The following TYW1B variants were observed in gnomAD, a reference collection of about 807,000 sequenced individuals.
TYW1B encodes S-adenosyl-L-methionine-dependent tRNA 4-demethylwyosine synthase TYW1B.
In TYW1B, 73 loss-of-function variants were observed where a neutral mutation model predicts 86.9. The ratio of observed to expected loss-of-function variants is 0.84; its 90% CI spans 0.70 to 1.02. The LOEUF (loss-of-function observed/expected upper bound fraction) is 1.02. TYW1B is among the 50% of genes least tolerant of loss of function. The pLI is 0.00. For synonymous variants in TYW1B, 248 were observed against 292.8 expected (o/e 0.85, Z 1.56); for missense variants, 637 against 827.4 (o/e 0.77, Z 2.82).
intron 10 of TYW1B, among the ~76,000 whole-genome samples, chr7:72,704,433 TAAAAAA>T (rs1162253814): frequency 1.1e-5 from 1 of 93,236 alleles, no homozygotes; most frequent in African/African-American, 4.3e-5. Flanking sequence ...GATTCTATCT[TAAAAAA>T]AAAAAAAAAA....
At chr7:72,713,133 T>C (rs1360737128) in intron 10 of TYW1B, among the ~76,000 whole-genome samples, 1 of 99,202 alleles carries the variant, frequency 1.0e-5, no homozygotes, top group Non-Finnish European at 2.5e-5. Context: ...AGCCCATCTC[T>C]ATTAAAAAAA....
chr7:72,659,489 A>T (rs1554444166), intron 11 of TYW1B, among the ~76,000 whole-genome samples: 1 of 152,136 alleles, frequency 6.6e-6, no homozygotes, highest in Non-Finnish European at 1.5e-5. Flanking sequence ...GAGGCAGGAG[A>T]ATCACTTGAA....
chr7:72,792,084 C>A (rs1251902457), intron 6 of TYW1B, among the ~76,000 whole-genome samples: 1 of 152,132 alleles, frequency 6.6e-6, no homozygotes, highest in Non-Finnish European at 1.5e-5. Context: ...AATCCCAACA[C>A]TTTGGGAGAC....
chr7:72,698,189 A>G (rs1554451830), intron 10 of TYW1B, among the ~76,000 whole-genome samples: 1 of 152,124 alleles, frequency 6.6e-6, no homozygotes, highest in Non-Finnish European at 1.5e-5. Flanking sequence ...AGAATTATTT[A>G]CCACTCACCG....
intron 13 of TYW1B, among the ~76,000 whole-genome samples, chr7:72,579,698 T>C (rs1166363053): frequency 6.6e-6 from 1 of 152,200 alleles, no homozygotes; most frequent in Non-Finnish European, 1.5e-5. Flanking sequence ...TCACCCAGGC[T>C]GGAGTGCAGT....
chr7:72,723,011 C>T (rs1451200876), intron 9 of TYW1B: 9 of 707,320 alleles, frequency 1.3e-5, no homozygotes, highest in South Asian at 3.4e-5. Context: ...TGGACACGGC[C>T]GCCACCTCGA....
At position 72,577,957 on chromosome 7, in the gene TYW1B, G is replaced by C. The variant is rs1811063885; in HGVS notation, c.1786-2238C>G. 2.6e-5 allele frequency among the ~76,000 whole-genome samples: 4 copies of C among 152,218 alleles called. No individual in the cohort carries two copies. The South Asian group carries it at 8.3e-4, about 32-fold the overall frequency. ...AGTTTCTGTCAGTTTTCTGGCCACA[G>C]GACCTCACTGTCCTGAACTTCCACA... On this transcript the variant is annotated intron_variant, in intron 13 of 13. Transcript: ENST00000620995.
At chr7:72,674,191 C>T (rs782142400) in intron 11 of TYW1B, among the ~76,000 whole-genome samples, 5 of 152,142 alleles carry the variant, frequency 3.3e-5, no homozygotes, top group Non-Finnish European at 5.9e-5. Flanking sequence ...CTCAGAAAGT[C>T]ACTTTAAGCA....
At chr7:72,789,752 C>A (rs1428711602) in intron 6 of TYW1B, among the ~76,000 whole-genome samples, 1 of 151,804 alleles carries the variant, frequency 6.6e-6, no homozygotes, top group Non-Finnish European at 1.5e-5. Flanking sequence ...GCTGGGATTA[C>A]AGGCAGAGCC....
chr7:72,574,823 C>T lies in TYW1B; in HGVS notation c.*675G>A. The T allele has an allele frequency of 2.0e-6, 2 of 985,402 alleles. No homozygotes were observed. The highest frequency in any genetic ancestry group is 2.4e-6 in the Non-Finnish European group (2 of 829,976). 61.0% of individuals were successfully genotyped at this position (985,402 alleles called of 1,614,324 possible). On this transcript the variant is annotated 3_prime_UTR_variant, in exon 14 of 14. Coordinates refer to ENST00000620995, the MANE Select transcript of TYW1B (RefSeq NM_001145440.3). ...ACATGGCCACTCCTCTTACAGCAGA[C>T]AGCTTCACTCCGCTCCAGCCCCGGT...
chr7:72,601,352 A>AC (rs1284961993), intron 13 of TYW1B, among the ~76,000 whole-genome samples: 3 of 151,932 alleles, frequency 2.0e-5, no homozygotes, highest in African/African-American at 7.2e-5. Flanking sequence ...AAAAAAAAAA[A>AC]CAAAAAAAAC....
chr7:72,776,556 CAAA>C (rs67553013), intron 7 of TYW1B, among the ~76,000 whole-genome samples: 7 of 45,242 alleles, frequency 1.5e-4, no homozygotes, highest in South Asian at 1.3e-3. Flanking sequence ...GACTCTGTCT[CAAA>C]AAAAAAAAAA....
chr7:72,657,235 A>T (rs1310353271), intron 11 of TYW1B, among the ~76,000 whole-genome samples: 1 of 152,286 alleles, frequency 6.6e-6, no homozygotes, highest in African/African-American at 2.4e-5. Flanking sequence ...CTTCAACACG[A>T]GATTAGAGTG....
chr7:72,764,471 C>T (rs13307837), intron 7 of TYW1B, among the ~76,000 whole-genome samples: 8,504 of 152,162 alleles, frequency 0.056, 548 homozygotes, highest in East Asian at 0.33. Flanking sequence ...TTAGTACAGA[C>T]AGGGTTTCAC....
chr7:72,725,983 T>A (rs1480933338), intron 9 of TYW1B, among the ~76,000 whole-genome samples: 1 of 152,174 alleles, frequency 6.6e-6, no homozygotes, highest in Non-Finnish European at 1.5e-5. Flanking sequence ...AAATACGACT[T>A]TGCCTTGAAA....
intron 12 of TYW1B, among the ~76,000 whole-genome samples, chr7:72,619,714 G>C (rs1305953473): frequency 2.0e-4 from 30 of 151,228 alleles, no homozygotes; most frequent in African/African-American, 7.0e-4. Flanking sequence ...CTTACCAAGT[G>C]CATAAAAAAC....
At chr7:72,798,786 T>C (rs1788353847) in intron 6 of TYW1B, among the ~76,000 whole-genome samples, 1 of 152,232 alleles carries the variant, frequency 6.6e-6, no homozygotes, top group Non-Finnish European at 1.5e-5. Flanking sequence ...GAGTATGTCA[T>C]CCAGCTTTGG....
intron 11 of TYW1B, among the ~76,000 whole-genome samples, chr7:72,642,602 C>A (rs1554441609): frequency 6.6e-6 from 1 of 152,128 alleles, no homozygotes; most frequent in Non-Finnish European, 1.5e-5. Context: ...TAGTATTCAG[C>A]AAAAAAGCTG....
chr7:72,677,474 A>G (rs1455630457), intron 11 of TYW1B, among the ~76,000 whole-genome samples: 1 of 152,008 alleles, frequency 6.6e-6, no homozygotes, highest in African/African-American at 2.4e-5. Context: ...TTATACCTCA[A>G]TTATAAAAAA....
Sources: allele counts gnomAD v4.1 joint callset (sites outside exome capture counted in the v4.1 genomes callset), GRCh38; gene constraint gnomAD v4.1.1; transcripts MANE v1.5; gene names NCBI Gene and HGNC (gene_info 2026-07-23, HGNC 2026-07-21).